CAST: variants seen among roughly 807,000 people sequenced by gnomAD.
The protein encoded by CAST is MIR583 host.
Under a neutral mutation model 119.6 loss-of-function variants are expected in CAST, and 76 were observed. The observed-to-expected ratio is 0.64, with a 90% confidence interval of 0.53 to 0.77. The LOEUF (loss-of-function observed/expected upper bound fraction) is 0.77, where lower values mean the gene tolerates loss of function less well. Ranked by LOEUF, CAST falls within the 30% of genes least tolerant of loss-of-function variation. The pLI is 0.00. For missense variants in CAST, 953 were observed against 946.5 expected (o/e 1.01, Z -0.09); for synonymous variants, 319 against 331.6 (o/e 0.96, Z 0.41).
At chr5:96,664,753 A>G (rs1460467165) in intron 1 of CAST, among the ~76,000 whole-genome samples, 1 of 152,214 alleles carries the variant, frequency 6.6e-6, no homozygotes, top group Non-Finnish European at 1.5e-5. Flanking sequence ...AGAATTTGGA[A>G]TTCCAATTTC....
At chr5:96,319,988 G>A in the CAST span, among the ~76,000 whole-genome samples, 1 of 148,576 alleles carries the variant, frequency 6.7e-6, no homozygotes. Flanking sequence ...CCAAAAGGAA[G>A]TAGTGAGGAA....
chr5:96,662,274 G>A (rs762544496), upstream of CAST: 13 of 979,436 alleles, frequency 1.3e-5, no homozygotes, highest in Admixed American at 8.9e-5. Context: ...CGCAGACCTG[G>A]GGTGGGGTCG....
the CAST span, among the ~76,000 whole-genome samples, chr5:96,286,382 G>GGAA: frequency 6.6e-6 from 1 of 152,132 alleles, no homozygotes; most frequent in African/African-American, 2.4e-5. Context: ...GTCGATGGAT[G>GGAA]GAAGCTGCAA....
the CAST span, among the ~76,000 whole-genome samples, chr5:96,451,532 T>C: frequency 2.6e-5 from 4 of 152,218 alleles, no homozygotes; most frequent in East Asian, 7.7e-4. Context: ...CCTAAAACCA[T>C]AAAAACCCTA....
the CAST span, among the ~76,000 whole-genome samples, chr5:96,307,770 A>G: frequency 6.6e-6 from 1 of 152,190 alleles, no homozygotes; most frequent in Non-Finnish European, 1.5e-5. Context: ...AAGAATGTTG[A>G]ATATTGGCCC....
chr5:96,083,261 A>T, the CAST span, among the ~76,000 whole-genome samples: 1 of 152,234 alleles, frequency 6.6e-6, no homozygotes, highest in Non-Finnish European at 1.5e-5. Flanking sequence ...TGCCATTTGA[A>T]ATACCAAAAA....
intron 1 of CAST, among the ~76,000 whole-genome samples, chr5:96,636,884 C>CT (rs1561436774): frequency 3.5e-4 from 51 of 147,688 alleles, no homozygotes; most frequent in African/African-American, 1.3e-3. Context: ...AACATCACAT[C>CT]ACTCGTGGGG....
intron 1 of CAST, among the ~76,000 whole-genome samples, chr5:96,535,335 A>G (rs1479962571): frequency 6.6e-6 from 1 of 152,232 alleles, no homozygotes; most frequent in Non-Finnish European, 1.5e-5. Flanking sequence ...AATGGGAAGA[A>G]TATAAGGGAG....
the CAST span, among the ~76,000 whole-genome samples, chr5:96,186,825 C>A: frequency 2.6e-4 from 40 of 152,046 alleles, no homozygotes; most frequent in African/African-American, 9.4e-4. Context: ...TTTGTTGTAT[C>A]TCTGCCACGT....
chr5:96,136,218 A>G, the CAST span, among the ~76,000 whole-genome samples: 1 of 152,076 alleles, frequency 6.6e-6, no homozygotes, highest in Non-Finnish European at 1.5e-5. Flanking sequence ...TGTTAATTTT[A>G]TATTTTGGGT....
intron 2 of CAST, among the ~76,000 whole-genome samples, chr5:96,694,211 G>T (rs946861835): frequency 6.6e-6 from 1 of 152,126 alleles, no homozygotes; most frequent in Non-Finnish European, 1.5e-5. Flanking sequence ...AATATTTGTT[G>T]CATAGACATA....
chr5:96,669,127 A>G (rs1749734345), intron 1 of CAST, among the ~76,000 whole-genome samples: 1 of 152,356 alleles, frequency 6.6e-6, no homozygotes, highest in South Asian at 2.1e-4. Context: ...CAGAAGTGGA[A>G]CAAGGAATCC....
chr5:96,172,596 G>T, the CAST span, among the ~76,000 whole-genome samples: 3 of 152,236 alleles, frequency 2.0e-5, no homozygotes, highest in African/African-American at 7.2e-5. Flanking sequence ...ATGTGGAAAG[G>T]TTCCAGGAAG....
At chr5:96,229,821 A>G in the CAST span, among the ~76,000 whole-genome samples, 7 of 152,222 alleles carry the variant, frequency 4.6e-5, no homozygotes, top group South Asian at 2.1e-4. Flanking sequence ...CCCTATGATC[A>G]TAGTTAATTA....
chr5:96,268,115 A>G, the CAST span, among the ~76,000 whole-genome samples: 17 of 152,340 alleles, frequency 1.1e-4, no homozygotes, highest in African/African-American at 3.8e-4. Flanking sequence ...GAATTAAAAC[A>G]TACTACCAGA....
chr5:96,210,975 G>C, the CAST span, among the ~76,000 whole-genome samples: 1 of 151,790 alleles, frequency 6.6e-6, no homozygotes, highest in African/African-American at 2.4e-5. Context: ...TGTGTTCATT[G>C]CTAGTATAAT....
At chr5:95,981,943 A>G in the CAST span, among the ~76,000 whole-genome samples, 1 of 152,162 alleles carries the variant, frequency 6.6e-6, no homozygotes, top group South Asian at 2.1e-4. Flanking sequence ...AAAATAGTAC[A>G]TAATTTCCAT....
the CAST span, among the ~76,000 whole-genome samples, chr5:96,245,104 C>G: frequency 6.6e-6 from 1 of 152,210 alleles, no homozygotes; most frequent in Non-Finnish European, 1.5e-5. Context: ...CCATCCTACT[C>G]AAATCACATA....
the CAST span, among the ~76,000 whole-genome samples, chr5:96,344,389 A>AT: frequency 6.6e-6 from 1 of 152,100 alleles, no homozygotes; most frequent in Non-Finnish European, 1.5e-5. Context: ...TAATGGTTAT[A>AT]TTTTTTAAGT....
Sources: gnomAD v4.1 joint callset for allele counts (sites outside exome capture counted in the v4.1 genomes callset) on GRCh38, gnomAD v4.1.1 for gene constraint, MANE v1.5 for transcripts, NCBI Gene and HGNC (gene_info 2026-07-23, HGNC 2026-07-21) for gene names.